NAP1L4: variants seen among roughly 807,000 people sequenced by gnomAD.
NAP1L4 encodes nucleosome assembly protein 1-like 4.
NAP1L4 carries 15 observed loss-of-function variants against 58.2 expected under a neutral mutation model. The ratio of observed to expected loss-of-function variants is 0.26; its 90% CI spans 0.17 to 0.40. NAP1L4 has a LOEUF of 0.40. NAP1L4 is among the 10% of genes least tolerant of loss of function. The probability of loss-of-function intolerance (pLI) is 1.00; values close to 1 mark genes in which losing one functional copy is unlikely to be tolerated. For missense variants in NAP1L4, 384 were observed against 451.1 expected (o/e 0.85, Z 1.35); for synonymous variants, 171 against 155.6 (o/e 1.10, Z -0.74).
Position 2,959,654 on chromosome 11 carries a change from G to T in NAP1L4, c.746+116C>A. On this transcript the variant is annotated intron_variant, in intron 9 of 15. Transcript: ENST00000380542. The surrounding 1 kb of genome is among the most constrained non-coding windows in gnomAD (Gnocchi z 4.9). Reference sequence around the variant, plus strand: ...AAATATACATCTACCAGGCTTTTAGGCTTTTAAGCAGACTCAAGACTGTAC... The same window carrying T: ...AAATATACATCTACCAGGCTTTTAGTCTTTTAAGCAGACTCAAGACTGTAC... The T allele has an allele frequency of 1.6e-6, 2 of 1,230,774 alleles. No homozygotes were observed. Among genetic ancestry groups the T allele is most frequent in the Non-Finnish European group, 2.2e-6 (2 of 889,246 alleles). 76.2% of individuals were successfully genotyped at this position (1,230,774 alleles called of 1,614,324 possible). A position where few individuals can be genotyped will look rare whatever the true frequency, so the allele number is the denominator to read the frequency against.
chr11:2,976,491 G>A lies in NAP1L4; in HGVS notation c.74-368C>T, dbSNP rs1590258060. ...TGGTGGTGTCCAGAAGCCACGAACA[G>A]AGATGAGATCAGTTCCTCAAAGTAA... On this transcript the variant is annotated intron_variant, in intron 3 of 15. Coordinates refer to ENST00000380542, the MANE Select transcript of NAP1L4 (RefSeq NM_005969.4). Among the ~76,000 whole-genome samples, 4 of 152,318 alleles carry A rather than the reference G, an allele frequency of 2.6e-5. 1 individual carries two copies. Among genetic ancestry groups the A allele is most frequent in the Non-Finnish European group, 5.9e-5 (4 of 68,024 alleles).
In NAP1L4 at chr11:2,955,717, A is replaced by G; in HGVS notation, c.915+27T>C. 6.2e-7 allele frequency: 1 copy of G among 1,607,726 alleles called. No homozygotes were observed. The highest frequency in any genetic ancestry group is 8.5e-7 in the Non-Finnish European group (1 of 1,175,416). ...CACTCAGGAGAGACTTCAACAGGAA[A>G]ATAAGACTATTAACAACAAATCTTA... On this transcript the variant is annotated intron_variant, in intron 11 of 15. Coordinates refer to ENST00000380542, the MANE Select transcript of NAP1L4 (RefSeq NM_005969.4). This position sits in a 1 kb window ranked among gnomAD's most constrained non-coding sequence, Gnocchi z 4.2.
chr11:2,986,406 A>C (rs1177059979), intron 1 of NAP1L4, among the ~76,000 whole-genome samples: 1 of 151,610 alleles, frequency 6.6e-6, no homozygotes, highest in Non-Finnish European at 1.5e-5. Flanking sequence ...AAGGAAAAAA[A>C]AATTGGGCCA....
intron 7 of NAP1L4, 107 bp from the exon 8 acceptor site, chr11:2,964,858 A>G (rs904747219): frequency 5.1e-6 from 4 of 777,050 alleles, no homozygotes; most frequent in Non-Finnish European, 8.5e-6. Flanking sequence ...AACTAGCCCT[A>G]TTGGAATTCT....
rs1297757277 is a variant in NAP1L4 at position 2,971,111 on chromosome 11, C to T, written c.402+337G>A. 6.6e-6 allele frequency among the ~76,000 whole-genome samples: 1 copy of T among 152,224 alleles called. No homozygotes were observed. The highest frequency in any genetic ancestry group is 2.4e-5 in the African/African-American group (1 of 41,450). ...CCACTGAGCAGGAAGGCACTCCCCT[C>T]ACAACTCCCCCAATCTTCCAGTGAC... On this transcript the variant is annotated intron_variant, in intron 6 of 15. Coordinates refer to ENST00000380542, the MANE Select transcript of NAP1L4 (RefSeq NM_005969.4). This position sits in a 1 kb window ranked among gnomAD's most constrained non-coding sequence, Gnocchi z 4.2.
chr11:2,991,734 C>G (rs1047600409), intron 1 of NAP1L4: 4 of 152,372 alleles, frequency 2.6e-5, no homozygotes, highest in African/African-American at 9.6e-5. Flanking sequence ...CGATGACAAC[C>G]GCCCTACGGA....
intron 1 of NAP1L4, among the ~76,000 whole-genome samples, chr11:2,987,178 C>T (rs1281606724): frequency 6.6e-6 from 1 of 152,112 alleles, no homozygotes; most frequent in Non-Finnish European, 1.5e-5. Context: ...AGCCCTGAGA[C>T]AGTCCAGATT....
chr11:2,953,966 C>T lies in NAP1L4; in HGVS notation c.1035+561G>A, dbSNP rs574693320. On this transcript the variant is annotated intron_variant, in intron 12 of 15. Transcript: ENST00000380542. ...CTTGGTGAGGATGGGAGTTTCTAAG[C>T]GGTACTTGGGCTGTGCACCCGCAAG... 1.2e-4 allele frequency among the ~76,000 whole-genome samples: 19 copies of T among 152,222 alleles called. 1 individual carries two copies. Among genetic ancestry groups the T allele is most frequent in the South Asian group, 4.1e-4 (2 of 4,836 alleles).
chr11:2,969,541 G>C (rs939669576), intron 7 of NAP1L4, among the ~76,000 whole-genome samples: 25 of 152,090 alleles, frequency 1.6e-4, no homozygotes, highest in African/African-American at 5.3e-4. Context: ...GAGGTAAAAG[G>C]AACTGATTTG....
At chr11:2,984,289 A>G (rs1848499960) in intron 1 of NAP1L4, among the ~76,000 whole-genome samples, 3 of 148,880 alleles carry the variant, frequency 2.0e-5, no homozygotes, top group Admixed American at 1.3e-4. Flanking sequence ...CCCTTTAACA[A>G]AGGCCAGGTG....
chr11:2,980,641 T>C (rs1482583556), intron 1 of NAP1L4, among the ~76,000 whole-genome samples: 1 of 152,160 alleles, frequency 6.6e-6, no homozygotes, highest in African/African-American at 2.4e-5. Flanking sequence ...AAACGGTTGT[T>C]CCAGCTGAAA....
At position 2,978,310 on chromosome 11, in the gene NAP1L4, T is replaced by A; in HGVS notation, c.47A>T (p.Glu16Val). 6.2e-7 allele frequency: 1 copy of A among 1,614,064 alleles called. No homozygotes were observed. The highest frequency in any genetic ancestry group is 1.3e-5 in the African/African-American group (1 of 75,048). The change falls in exon 3 of 16, where the codon GAA (glutamate) becomes GTA (valine). Residue 16 changes from glutamate to valine, a missense_variant. Glu to Val is a moderately radical substitution (Grantham distance 121, BLOSUM62 -2). Transcript: ENST00000380542. Reference protein sequence around the residue: ...FSDGVPSDSVEAAKNASNTEK... With the variant: ...FSDGVPSDSVVAAKNASNTEK... The stretch of plus-strand genomic sequence containing the variant: ...TGTGTTACTTGCATTTTTAGCAGCT[T>A]CCACGGAATCTGAAGGAACCCCATC...
intron 7 of NAP1L4, among the ~76,000 whole-genome samples, 158 bp downstream of exon 7, chr11:2,969,645 G>A (rs1489228234): frequency 6.6e-6 from 1 of 152,172 alleles, no homozygotes; most frequent in Non-Finnish European, 1.5e-5. Context: ...TTCACTGTGA[G>A]ATCAGGACTG....
chr11:2,945,608 C>T lies in NAP1L4; in HGVS notation c.*71G>A. On this transcript the variant is annotated 3_prime_UTR_variant, in exon 16 of 16. Coordinates refer to ENST00000380542, the MANE Select transcript of NAP1L4 (RefSeq NM_005969.4). ...TCTGCCAGGCACCCGCCTCCGCTTCCTACTGCTGCTTGCATTCCGCCGGCT... is the reference window on the plus strand; with the variant it reads ...TCTGCCAGGCACCCGCCTCCGCTTCTTACTGCTGCTTGCATTCCGCCGGCT... The T allele has an allele frequency of 6.5e-7, 1 of 1,536,074 alleles. No homozygotes were observed.
Position 2,949,151 on chromosome 11 carries a change from CAA to C in NAP1L4, c.*32+74_*32+75del. The C allele has an allele frequency of 8.3e-7, 1 of 1,204,104 alleles. No individual in the cohort carries two copies. Among genetic ancestry groups the C allele is most frequent in the South Asian group, 1.3e-5 (1 of 74,996 alleles). The allele number at this position is 1,204,104 out of a possible 1,614,324, so 74.6% of individuals were successfully genotyped here. A position where few individuals can be genotyped will look rare whatever the true frequency, so the allele number is the denominator to read the frequency against. On this transcript the variant is annotated intron_variant, in intron 15 of 15. Transcript: ENST00000380542. The surrounding 1 kb of genome is among the most constrained non-coding windows in gnomAD (Gnocchi z 4.0). ...CCTGGACAGCAACTCCCTCTTTATT[CAA>C]AGTCAAAACAATGCATTGTATAAAG...
At chr11:2,960,481 C>A (rs1038374947) in intron 8 of NAP1L4, among the ~76,000 whole-genome samples, 1 of 152,114 alleles carries the variant, frequency 6.6e-6, no homozygotes, top group African/African-American at 2.4e-5. Context: ...CGTGAGCACA[C>A]CGGGAAAAAG....
At chr11:2,960,164 G>A (rs574985836) in intron 8 of NAP1L4, 68 of 387,580 alleles carry the variant, frequency 1.8e-4, no homozygotes, top group African/African-American at 8.5e-4. Flanking sequence ...ACCAATAGGC[G>A]TCAAGCTCTC....
At chr11:2,986,849 G>A (rs893674505) in intron 1 of NAP1L4, among the ~76,000 whole-genome samples, 26 of 150,684 alleles carry the variant, frequency 1.7e-4, no homozygotes, top group African/African-American at 5.4e-4. Context: ...ACTTGGTCTC[G>A]AACTCCCAAC....
chr11:2,981,646 T>C (rs1848323392), intron 1 of NAP1L4: 1 of 151,786 alleles, frequency 6.6e-6, no homozygotes, highest in South Asian at 2.1e-4. Flanking sequence ...CTGACCAACA[T>C]GGAGAAACCC....
Sources: allele counts gnomAD v4.1 joint callset (sites outside exome capture counted in the v4.1 genomes callset), GRCh38; gene constraint gnomAD v4.1.1; non-coding constraint Gnocchi (gnomAD v3.1); transcripts MANE v1.5; gene names NCBI Gene and HGNC (gene_info 2026-07-23, HGNC 2026-07-21).